The following AUTS2 variants were observed in gnomAD, a reference collection of about 807,000 sequenced individuals.
AUTS2 encodes the protein activator of transcription and developmental regulator AUTS2.
AUTS2 carries 17 observed loss-of-function variants against 112.4 expected under a neutral mutation model. That is an observed-to-expected ratio of 0.15 (90% CI 0.10 to 0.23). AUTS2 has a LOEUF of 0.23. AUTS2 is among the 10% of genes least tolerant of loss of function. AUTS2 has a pLI of 1.00. For synonymous variants in AUTS2, 751 were observed against 702.7 expected (o/e 1.07, Z -1.09); for missense variants, 1,510 against 1,701.6 (o/e 0.89, Z 1.98).
In AUTS2 at chr7:69,870,885, A is replaced by G. The variant is rs183106741; in HGVS notation, c.310-28401A>G. On this transcript the variant is annotated intron_variant, in intron 1 of 18. Coordinates refer to ENST00000342771, the MANE Select transcript of AUTS2 (RefSeq NM_015570.4). ...TTCAAATTTTAAATTGCTAGCATGAATTTTACCATTCATGGTTCTGTTGTG... is the reference window on the plus strand; with the variant it reads ...TTCAAATTTTAAATTGCTAGCATGAGTTTTACCATTCATGGTTCTGTTGTG... Among the ~76,000 whole-genome samples the G allele has an allele frequency of 3.3e-5, 5 of 152,246 alleles. No homozygotes were observed. In the East Asian group the frequency reaches 9.6e-4, roughly 29 times the overall value.
rs80256360 is a variant in AUTS2 at position 70,649,500 on chromosome 7, TTTTATTTA to T, written c.691-49033_691-49026del. Reference sequence around the variant, plus strand: ...CTCAGAGTGTCCCAGTGGTGATTTATTTTATTTATTTATTTATTTATTTATTTATTTAT... The same window carrying T: ...CTCAGAGTGTCCCAGTGGTGATTTATTTTATTTATTTATTTATTTATTTAT... On this transcript the variant is annotated intron_variant, in intron 5 of 18. Transcript: ENST00000342771. Among the ~76,000 whole-genome samples the T allele has an allele frequency of 9.8e-3, 1,417 of 143,864 alleles. 26 individuals carry two copies. The highest frequency in any genetic ancestry group is 0.028 in the Admixed American group (398 of 14,348). The allele number at this position is 143,864 out of a possible 152,430, so 94.4% of individuals were successfully genotyped here. A position where few individuals can be genotyped will look rare whatever the true frequency, so the allele number is the denominator to read the frequency against.
At chr7:69,956,855 AGTG>A (rs2129546550) in intron 2 of AUTS2, among the ~76,000 whole-genome samples, 1 of 152,028 alleles carries the variant, frequency 6.6e-6, no homozygotes, top group East Asian at 1.9e-4. Flanking sequence ...AAAGAGAACA[AGTG>A]GTTTTATTTT....
chr7:70,241,967 C>G (rs1308670769), intron 4 of AUTS2, among the ~76,000 whole-genome samples: 2 of 152,144 alleles, frequency 1.3e-5, no homozygotes, highest in Non-Finnish European at 2.9e-5. Flanking sequence ...GCCAGAGGTC[C>G]TATTTTCCTG....
At chr7:69,878,366 C>G (rs1397638216) in intron 1 of AUTS2, among the ~76,000 whole-genome samples, 1 of 152,138 alleles carries the variant, frequency 6.6e-6, no homozygotes, top group African/African-American at 2.4e-5. Flanking sequence ...CATTTTTGTT[C>G]AGGAAATCGT....
chr7:69,735,667 A>G (rs934124125), intron 1 of AUTS2, among the ~76,000 whole-genome samples: 3 of 152,184 alleles, frequency 2.0e-5, no homozygotes, highest in African/African-American at 7.2e-5. Flanking sequence ...CTTGGGCTCC[A>G]TAGAAGTGGC....
Position 70,318,033 on chromosome 7 carries a change from C to T in AUTS2, c.661-117719C>T, listed in dbSNP as rs1585011979. Among the ~76,000 whole-genome samples the T allele has an allele frequency of 3.3e-5, 5 of 152,238 alleles. No homozygotes were observed. The South Asian group carries it at 8.3e-4, about 25-fold the overall frequency. Reference sequence around the variant, plus strand: ...AAAAAACCTGTGGTGTCGGTTGGATCATGGCTCTTATTCACTGCGGCGTTT... The same window carrying T: ...AAAAAACCTGTGGTGTCGGTTGGATTATGGCTCTTATTCACTGCGGCGTTT... On this transcript the variant is annotated intron_variant, in intron 4 of 18. Transcript: ENST00000342771.
chr7:69,654,925 C>G (rs1478963256), intron 1 of AUTS2, among the ~76,000 whole-genome samples: 1 of 152,068 alleles, frequency 6.6e-6, no homozygotes, highest in Admixed American at 6.6e-5. Flanking sequence ...GGAAATAAGG[C>G]TATAAGTGCT....
At chr7:70,197,093 C>T (rs1051313209) in intron 4 of AUTS2, among the ~76,000 whole-genome samples, 1 of 152,082 alleles carries the variant, frequency 6.6e-6, no homozygotes, top group African/African-American at 2.4e-5. Context: ...TATACATTTG[C>T]GACATGTGGT....
At chr7:69,873,619 T>C (rs1793600786) in intron 1 of AUTS2, among the ~76,000 whole-genome samples, 1 of 152,176 alleles carries the variant, frequency 6.6e-6, no homozygotes, top group South Asian at 2.1e-4. Flanking sequence ...GATTCTTTGC[T>C]GAGATTGGAA....
intron 1 of AUTS2, among the ~76,000 whole-genome samples, chr7:69,747,772 GAGA>G (rs1554360568): frequency 7.0e-5 from 10 of 143,674 alleles, no homozygotes; most frequent in African/African-American, 1.1e-4. Context: ...GACAGACAGA[GAGA>G]AGGAGAGGGG....
At chr7:70,030,882 C>T (rs1016085213) in intron 2 of AUTS2, among the ~76,000 whole-genome samples, 3 of 152,102 alleles carry the variant, frequency 2.0e-5, no homozygotes, top group Non-Finnish European at 4.4e-5. Flanking sequence ...AACGGGATCC[C>T]ACTATGGCTT....
chr7:70,401,205 G>T (rs1354606601), intron 4 of AUTS2, among the ~76,000 whole-genome samples: 4 of 152,104 alleles, frequency 2.6e-5, no homozygotes. Context: ...GAATCCCCTG[G>T]GGACCTTAGT....
At chr7:70,040,986 T>C (rs1174052302) in intron 2 of AUTS2, among the ~76,000 whole-genome samples, 1 of 152,224 alleles carries the variant, frequency 6.6e-6, no homozygotes, top group African/African-American at 2.4e-5. Context: ...GGGATTTCTT[T>C]AACACATCCA....
chr7:69,714,631 G>T (rs1798513776), intron 1 of AUTS2, among the ~76,000 whole-genome samples: 1 of 151,996 alleles, frequency 6.6e-6, no homozygotes, highest in Admixed American at 6.6e-5. Context: ...TCCTAAAATT[G>T]AACAGTGTGA....
chr7:69,788,450 T>C (rs547063640), intron 1 of AUTS2, among the ~76,000 whole-genome samples: 1 of 152,292 alleles, frequency 6.6e-6, no homozygotes, highest in African/African-American at 2.4e-5. Context: ...TGTCAGAGAT[T>C]ACACTTGGAG....
chr7:70,011,725 C>T (rs908261498), intron 2 of AUTS2, among the ~76,000 whole-genome samples: 3 of 152,134 alleles, frequency 2.0e-5, no homozygotes, highest in Non-Finnish European at 2.9e-5. Flanking sequence ...TATTTCAGAG[C>T]AATTCTTTGC....
intron 4 of AUTS2, among the ~76,000 whole-genome samples, chr7:70,410,022 A>C (rs1794705701): frequency 6.6e-6 from 1 of 152,238 alleles, no homozygotes; most frequent in Non-Finnish European, 1.5e-5. Flanking sequence ...AGCAGTAGGA[A>C]GCATTTCTTT....
intron 4 of AUTS2, among the ~76,000 whole-genome samples, chr7:70,320,428 C>G (rs986343803): frequency 6.6e-6 from 1 of 152,188 alleles, no homozygotes; most frequent in Non-Finnish European, 1.5e-5. Flanking sequence ...GCCAGACTTA[C>G]CAGCATGTAT....
At chr7:70,780,166 G>A (rs1790976193) in intron 14 of AUTS2, among the ~76,000 whole-genome samples, 1 of 152,170 alleles carries the variant, frequency 6.6e-6, no homozygotes, top group Non-Finnish European at 1.5e-5. Flanking sequence ...TGGGAGCAGT[G>A]CTTATCCAAG....
Sources: gnomAD v4.1 joint callset for allele counts (sites outside exome capture counted in the v4.1 genomes callset) on GRCh38, gnomAD v4.1.1 for gene constraint, MANE v1.5 for transcripts, NCBI Gene and HGNC (gene_info 2026-07-23, HGNC 2026-07-21) for gene names.